The following PLPP4 variants were observed in gnomAD, a reference collection of about 807,000 sequenced individuals.
The protein encoded by PLPP4 is phospholipid phosphatase 4.
PLPP4 carries 20 observed loss-of-function variants against 32.2 expected under a neutral mutation model. The observed-to-expected ratio is 0.62, with a 90% CI of 0.44 to 0.90. The LOEUF is 0.90. Ranked by LOEUF, PLPP4 falls within the 40% of genes least tolerant of loss-of-function variation. The pLI, the probability that PLPP4 is intolerant of heterozygous loss-of-function variation, is 0.00. For synonymous variants in PLPP4, 127 were observed against 133.0 expected, an observed-to-expected ratio of 0.95 and a Z score of 0.31; for missense variants, 257 against 353.1, an observed-to-expected ratio of 0.73 and a Z score of 2.18.
At chr10:120,511,088 A>G (rs1185111332) in intron 2 of PLPP4, among the ~76,000 whole-genome samples, 2 of 152,186 alleles carry the variant, frequency 1.3e-5, no homozygotes, top group South Asian at 4.1e-4. Context: ...GGTCCTAGAA[A>G]AGATACCAAT....
At chr10:120,576,989 AG>A (rs1450604073) in intron 6 of PLPP4, among the ~76,000 whole-genome samples, 9 of 152,240 alleles carry the variant, frequency 5.9e-5, no homozygotes, top group Non-Finnish European at 1.0e-4. Flanking sequence ...CTTGTGAGCC[AG>A]TTTCCTCTTT....
intron 2 of PLPP4, among the ~76,000 whole-genome samples, chr10:120,507,455 A>T (rs1053147695): frequency 6.6e-6 from 1 of 152,220 alleles, no homozygotes; most frequent in Non-Finnish European, 1.5e-5. Flanking sequence ...CACTTTATAA[A>T]GAACATCTCA....
At chr10:120,587,795 A>G (rs1032395315) in intron 6 of PLPP4, among the ~76,000 whole-genome samples, 1 of 152,242 alleles carries the variant, frequency 6.6e-6, no homozygotes, top group Non-Finnish European at 1.5e-5. Flanking sequence ...ATGCAGGGAC[A>G]TTAGTTTGTG....
intron 1 of PLPP4, among the ~76,000 whole-genome samples, chr10:120,473,080 T>C (rs1242474056): frequency 6.6e-6 from 1 of 152,240 alleles, no homozygotes; most frequent in Non-Finnish European, 1.5e-5. Flanking sequence ...AGATGATCTA[T>C]ACCTTTGACT....
chr10:120,556,495 A>C (rs1848171740), intron 5 of PLPP4, among the ~76,000 whole-genome samples: 1 of 152,346 alleles, frequency 6.6e-6, no homozygotes, highest in African/African-American at 2.4e-5. Flanking sequence ...TGTGGACAAG[A>C]GTATAAAATT....
At chr10:120,563,661 G>T (rs11199409) in intron 5 of PLPP4, among the ~76,000 whole-genome samples, 31,761 of 145,156 alleles carry the variant, frequency 0.22, 3,609 homozygotes, top group Admixed American at 0.24. Context: ...TTAGCCGGGC[G>T]CGGTGGCGGG....
At chr10:120,536,072 A>G (rs1275116933) in intron 5 of PLPP4, among the ~76,000 whole-genome samples, 3 of 152,160 alleles carry the variant, frequency 2.0e-5, no homozygotes, top group Non-Finnish European at 4.4e-5. Flanking sequence ...AAGATAGTTC[A>G]TGCTTGTGAA....
At chr10:120,562,393 C>T (rs1848476515) in intron 5 of PLPP4, among the ~76,000 whole-genome samples, 6 of 152,064 alleles carry the variant, frequency 3.9e-5, no homozygotes. Flanking sequence ...AGTACAGTTT[C>T]ATTTTTTTCG....
At chr10:120,520,663 C>CT (rs1294291624) in intron 4 of PLPP4, among the ~76,000 whole-genome samples, 1 of 152,182 alleles carries the variant, frequency 6.6e-6, no homozygotes, top group Non-Finnish European at 1.5e-5. Context: ...AGGACCTCAG[C>CT]TTTGGGTCAG....
chr10:120,504,598 TA>T (rs1413719660), intron 2 of PLPP4, among the ~76,000 whole-genome samples: 2 of 152,254 alleles, frequency 1.3e-5, no homozygotes, highest in African/African-American at 4.8e-5. Context: ...CTATTATTCC[TA>T]GTGCCTATTT....
intron 5 of PLPP4, among the ~76,000 whole-genome samples, chr10:120,559,420 A>G (rs1332739989): frequency 1.3e-5 from 2 of 152,130 alleles, no homozygotes; most frequent in Non-Finnish European, 1.5e-5. Context: ...GAAAGAGTAC[A>G]TACACATTGT....
intron 5 of PLPP4, among the ~76,000 whole-genome samples, chr10:120,552,229 C>T (rs1847945116): frequency 7.0e-6 from 1 of 142,754 alleles, no homozygotes; most frequent in Admixed American, 7.2e-5. Flanking sequence ...TTGTGAAGTC[C>T]ACACATTTCT....
chr10:120,462,840 G>A (rs561188851), intron 1 of PLPP4, among the ~76,000 whole-genome samples: 23 of 152,212 alleles, frequency 1.5e-4, no homozygotes, highest in African/African-American at 5.5e-4. Flanking sequence ...ACCGCAGGGT[G>A]GAGGCAGCAG....
chr10:120,477,558 T>A (rs1252675440), intron 1 of PLPP4, among the ~76,000 whole-genome samples: 1 of 152,166 alleles, frequency 6.6e-6, no homozygotes, highest in Non-Finnish European at 1.5e-5. Context: ...CAGCTCTTGG[T>A]CTGGACTGAG....
chr10:120,559,327 A>T (rs1848312259), intron 5 of PLPP4, among the ~76,000 whole-genome samples: 1 of 151,750 alleles, frequency 6.6e-6, no homozygotes, highest in African/African-American at 2.4e-5. Context: ...TGCCTTCCAC[A>T]AAAAAGGGAG....
rs761785620 is a variant in PLPP4, at chr10:120,518,807, TTCTG to T, written c.257-20_257-17del. ...TGATTTAAGAGCCAGCTTGCTATTT[TTCTG>T]TCTGTTGGTTTTGTTTTGTAGCGGT... On this transcript the variant is annotated intron_variant, in intron 3 of 6. Coordinates refer to ENST00000398250, the MANE Select transcript of PLPP4 (RefSeq NM_001030059.3). The T allele has an allele frequency of 1.4e-5, 23 of 1,604,590 alleles. No individual in the cohort carries two copies. In the South Asian group the frequency reaches 2.6e-4, roughly 18 times the overall value.
chr10:120,520,093 G>A lies in PLPP4; in HGVS notation c.321-878G>A, dbSNP rs74403193. ...CTCCTAAGGATTATATGGCACAGCA[G>A]GTGTGTGGAGCTTAGCACTGTGTCT... On this transcript the variant is annotated intron_variant, in intron 4 of 6. Coordinates refer to ENST00000398250, the MANE Select transcript of PLPP4 (RefSeq NM_001030059.3). Among the ~76,000 whole-genome samples the A allele has an allele frequency of 8.4e-3, 1,279 of 152,352 alleles. 14 individuals are homozygous for A. Among genetic ancestry groups the A allele is most frequent in the African/African-American group, 0.029 (1,221 of 41,580 alleles).
At chr10:120,530,527 G>A (rs1846654985) in intron 5 of PLPP4, among the ~76,000 whole-genome samples, 1 of 152,082 alleles carries the variant, frequency 6.6e-6, no homozygotes, top group East Asian at 1.9e-4. Flanking sequence ...ACTATAATGA[G>A]TATCACACAC....
intron 1 of PLPP4, among the ~76,000 whole-genome samples, chr10:120,486,678 C>T (rs1046808417): frequency 6.6e-5 from 10 of 152,184 alleles, no homozygotes; most frequent in African/African-American, 1.7e-4. Context: ...CATCGACAGA[C>T]GTTTTTGCCA....
Sources: allele counts gnomAD v4.1 joint callset (sites outside exome capture counted in the v4.1 genomes callset), GRCh38; gene constraint gnomAD v4.1.1; transcripts MANE v1.5; gene names NCBI Gene and HGNC (gene_info 2026-07-23, HGNC 2026-07-21).